THADA: variants seen among roughly 807,000 people sequenced by gnomAD.
The protein encoded by THADA is THADA armadillo repeat containing, also known as tRNA (32-2'-O)-methyltransferase regulator THADA.
Under a neutral mutation model 219.8 loss-of-function variants are expected in THADA, and 213 were observed. The ratio of observed to expected loss-of-function variants is 0.97; its 90% confidence interval spans 0.87 to 1.09. The LOEUF (loss-of-function observed/expected upper bound fraction) is 1.09, where lower values mean the gene tolerates loss of function less well. Among genes scored for constraint, THADA ranks in the 50% least tolerant of loss-of-function variants. The pLI is 0.00. For missense variants in THADA, 2,956 were observed against 2,311.3 expected (o/e 1.28, Z -5.72); for synonymous variants, 1,018 against 828.9 (o/e 1.23, Z -3.92).
At chr2:43,456,266 C>T (rs1682985553) in intron 26 of THADA, among the ~76,000 whole-genome samples, 1 of 152,154 alleles carries the variant, frequency 6.6e-6, no homozygotes, top group Non-Finnish European at 1.5e-5. Context: ...TAAACTAAGG[C>T]AGTTCAAATA....
chr2:43,555,248 AG>A (rs1324970721), intron 17 of THADA, among the ~76,000 whole-genome samples: 8 of 151,858 alleles, frequency 5.3e-5, no homozygotes, highest in African/African-American at 9.7e-5. Context: ...ATTAAAAAAA[AG>A]AAGATAAAAA....
intron 31 of THADA, among the ~76,000 whole-genome samples, chr2:43,315,341 G>C (rs11690012): frequency 0.27 from 41,370 of 152,058 alleles, 6,388 homozygotes; most frequent in African/African-American, 0.42. Flanking sequence ...CATAGCGCTG[G>C]CTTTCATTCT....
chr2:43,386,480 G>C (rs1430138096), intron 29 of THADA, among the ~76,000 whole-genome samples: 2 of 151,990 alleles, frequency 1.3e-5, no homozygotes, highest in Admixed American at 1.3e-4. Context: ...TGCTTTTAAA[G>C]GTCTTATTTG....
intron 31 of THADA, among the ~76,000 whole-genome samples, chr2:43,316,919 C>G (rs987804645): frequency 2.0e-5 from 3 of 152,170 alleles, no homozygotes; most frequent in Non-Finnish European, 4.4e-5. Flanking sequence ...AAGAGTGAAA[C>G]TCCATGTCAA....
At chr2:43,506,433 G>A (rs1240064252) in intron 23 of THADA, among the ~76,000 whole-genome samples, 2 of 152,168 alleles carry the variant, frequency 1.3e-5, no homozygotes, top group Non-Finnish European at 2.9e-5. Context: ...CAACATGGAT[G>A]AACTCTGAAA....
intron 36 of THADA, among the ~76,000 whole-genome samples, chr2:43,276,183 T>C (rs922733132): frequency 6.6e-6 from 1 of 152,218 alleles, no homozygotes; most frequent in Non-Finnish European, 1.5e-5. Flanking sequence ...ATGTCATTTC[T>C]TCCATTCCCT....
intron 22 of THADA, among the ~76,000 whole-genome samples, chr2:43,511,869 G>C (rs1690507911): frequency 6.6e-6 from 1 of 152,174 alleles, no homozygotes. Flanking sequence ...AGACTTTGAA[G>C]GACATGTAGG....
intron 29 of THADA, among the ~76,000 whole-genome samples, chr2:43,351,826 A>G (rs1244528086): frequency 6.6e-6 from 1 of 152,184 alleles, no homozygotes; most frequent in South Asian, 2.1e-4. Context: ...GAAAGTATAC[A>G]TTTGTCTTGG....
At chr2:43,543,692 A>G (rs954433046) in intron 20 of THADA, among the ~76,000 whole-genome samples, 2 of 152,136 alleles carry the variant, frequency 1.3e-5, no homozygotes, top group Admixed American at 6.5e-5. Context: ...AGTTCTGTTC[A>G]TGTCCTTTGC....
intron 36 of THADA, among the ~76,000 whole-genome samples, chr2:43,272,557 C>A (rs1230306571): frequency 6.6e-6 from 1 of 151,028 alleles, no homozygotes; most frequent in Non-Finnish European, 1.5e-5. Flanking sequence ...TAAGAAAAAT[C>A]TATAGACTAT....
chr2:43,550,762 A>T (rs1696652112), intron 19 of THADA, among the ~76,000 whole-genome samples: 1 of 152,224 alleles, frequency 6.6e-6, no homozygotes, highest in Non-Finnish European at 1.5e-5. Context: ...TGCTGACCCA[A>T]ATATTAGCTA....
At chr2:43,359,700 C>G (rs1669276821) in intron 29 of THADA, among the ~76,000 whole-genome samples, 3 of 152,084 alleles carry the variant, frequency 2.0e-5, no homozygotes, top group African/African-American at 7.2e-5. Context: ...CAAACAAAAC[C>G]AAACAACCCC....
At chr2:43,416,042 T>G (rs1676929260) in intron 28 of THADA, among the ~76,000 whole-genome samples, 1 of 152,204 alleles carries the variant, frequency 6.6e-6, no homozygotes, top group South Asian at 2.1e-4. Context: ...ATAATTCTAT[T>G]TCTTAAGTTT....
intron 29 of THADA, among the ~76,000 whole-genome samples, chr2:43,348,866 G>A (rs1017373337): frequency 5.9e-5 from 9 of 152,164 alleles, no homozygotes; most frequent in Non-Finnish European, 1.3e-4. Flanking sequence ...ATTCTTCAGG[G>A]ACAAAAGGGA....
Position 43,556,443 on chromosome 2 carries a change from T to C in THADA, c.2576A>G (p.Asp859Gly), listed in dbSNP as rs774462938. 3.7e-6 allele frequency: 6 copies of C among 1,613,758 alleles called. No homozygotes were observed. Among genetic ancestry groups the C allele is most frequent in the Non-Finnish European group, 3.4e-6 (4 of 1,179,848 alleles). Reference protein sequence around the residue: ...SYLLNFLIWQDALPSSLSAYL... With the variant: ...SYLLNFLIWQGALPSSLSAYL... The stretch of plus-strand genomic sequence containing the variant: ...GGCAGACAAGGATGACGGTAGAGCA[T>C]CCTGCCAGATTAAGAAGTTCAGCAG... The change falls in exon 17 of 38, where the codon GAT becomes GGT. Residue 859 changes from aspartate to glycine, a missense_variant. Transcript: ENST00000405975.
At chr2:43,515,842 C>T (rs559413919) in intron 22 of THADA, among the ~76,000 whole-genome samples, 1 of 152,202 alleles carries the variant, frequency 6.6e-6, no homozygotes, top group East Asian at 1.9e-4. Context: ...AAAGGATGTA[C>T]TTCAACAAAG....
At chr2:43,350,931 G>C (rs908403521) in intron 29 of THADA, among the ~76,000 whole-genome samples, 5 of 152,160 alleles carry the variant, frequency 3.3e-5, no homozygotes, top group East Asian at 3.8e-4. Context: ...GCTGATTCTA[G>C]TTTGGGGAGA....
chr2:43,514,644 TAATA>T (rs895761793), intron 22 of THADA, among the ~76,000 whole-genome samples: 3 of 97,990 alleles, frequency 3.1e-5, no homozygotes, highest in Non-Finnish European at 1.8e-5. Context: ...ATTTTATATA[TAATA>T]TATATATTGT....
At chr2:43,268,422 C>T (rs1473437396) in intron 36 of THADA, among the ~76,000 whole-genome samples, 1 of 152,210 alleles carries the variant, frequency 6.6e-6, no homozygotes, top group Non-Finnish European at 1.5e-5. Flanking sequence ...GAAAAACCCT[C>T]CCTGTACTGG....
Sources: gnomAD v4.1 joint callset for allele counts (sites outside exome capture counted in the v4.1 genomes callset) on GRCh38, gnomAD v4.1.1 for gene constraint, MANE v1.5 for transcripts, NCBI Gene and HGNC (gene_info 2026-07-23, HGNC 2026-07-21) for gene names.